The following CACNA2D3 variants were observed in gnomAD, a reference collection of about 807,000 sequenced individuals.
CACNA2D3 encodes calcium voltage-gated channel auxiliary subunit alpha2delta 3.
In CACNA2D3, 60 loss-of-function variants were observed where a neutral mutation model predicts 160.6. The observed-to-expected ratio is 0.37, with a 90% CI of 0.30 to 0.46. The LOEUF (loss-of-function observed/expected upper bound fraction) is 0.46, where lower values mean the gene tolerates loss of function less well. Ranked by LOEUF, CACNA2D3 falls within the 20% of genes least tolerant of loss-of-function variation. The pLI is 1.00. For missense variants in CACNA2D3, 1,205 were observed against 1,365.0 expected, an observed-to-expected ratio of 0.88 and a Z score of 1.85; for synonymous variants, 558 against 492.9, an observed-to-expected ratio of 1.13 and a Z score of -1.75.
At chr3:54,122,919 C>G in intron 1 of CACNA2D3, 84 bp downstream of exon 1, 2 of 1,145,958 alleles carry the variant, frequency 1.7e-6, no homozygotes, top group Non-Finnish European at 2.2e-6. Flanking sequence ...CCTGCAGGTG[C>G]GGCTGGGCAG....
At chr3:54,890,265 G>C (rs1463973723) in intron 24 of CACNA2D3, among the ~76,000 whole-genome samples, 13 of 152,108 alleles carry the variant, frequency 8.5e-5, no homozygotes, top group Non-Finnish European at 1.3e-4. Flanking sequence ...GGGAGGCCGA[G>C]GTGGGCAGAT....
intron 27 of CACNA2D3, among the ~76,000 whole-genome samples, chr3:54,933,654 A>T (rs1701261079): frequency 6.6e-6 from 1 of 152,130 alleles, no homozygotes; most frequent in African/African-American, 2.4e-5. Flanking sequence ...ACAACAACTC[A>T]CTAGACATTA....
intron 34 of CACNA2D3, among the ~76,000 whole-genome samples, chr3:55,014,763 C>T (rs1007487062): frequency 3.9e-5 from 6 of 151,990 alleles, no homozygotes; most frequent in Non-Finnish European, 5.9e-5. Flanking sequence ...AAACAGTATC[C>T]GGTAGATTGC....
At chr3:54,129,209 T>G (rs982127397) in intron 2 of CACNA2D3, among the ~76,000 whole-genome samples, 3 of 152,244 alleles carry the variant, frequency 2.0e-5, no homozygotes, top group African/African-American at 7.2e-5. Context: ...TGGCCTGTAC[T>G]TACAGCTCAC....
intron 11 of CACNA2D3, among the ~76,000 whole-genome samples, chr3:54,714,046 C>G (rs1056181449): frequency 2.6e-5 from 4 of 151,990 alleles, no homozygotes; most frequent in African/African-American, 9.7e-5. Context: ...GGACAGACAG[C>G]AGAAAGCTGG....
intron 11 of CACNA2D3, among the ~76,000 whole-genome samples, chr3:54,688,115 T>G (rs1170723989): frequency 6.6e-6 from 1 of 152,216 alleles, no homozygotes; most frequent in African/African-American, 2.4e-5. Context: ...TTTAAAAGAA[T>G]CACACTGGCC....
intron 14 of CACNA2D3, among the ~76,000 whole-genome samples, chr3:54,824,969 T>A (rs928960731): frequency 6.6e-6 from 1 of 152,244 alleles, no homozygotes; most frequent in Non-Finnish European, 1.5e-5. Context: ...ATCTCAGTGC[T>A]TTCTAGTTTC....
chr3:54,187,249 G>A (rs1700894209), intron 2 of CACNA2D3, among the ~76,000 whole-genome samples: 1 of 152,142 alleles, frequency 6.6e-6, no homozygotes. Flanking sequence ...TAGGCCTCCT[G>A]GGCTGTCTTA....
chr3:54,832,900 T>C (rs1171292808), intron 14 of CACNA2D3, among the ~76,000 whole-genome samples: 1 of 152,108 alleles, frequency 6.6e-6, no homozygotes, highest in East Asian at 1.9e-4. Flanking sequence ...AGCAGCAAAA[T>C]GGATGGGTCA....
intron 4 of CACNA2D3, among the ~76,000 whole-genome samples, chr3:54,438,085 A>G (rs1700086942): frequency 6.6e-6 from 1 of 152,202 alleles, no homozygotes; most frequent in Non-Finnish European, 1.5e-5. Context: ...CTGAAGATGA[A>G]GGCTTGTTAA....
At chr3:54,908,191 A>G (rs1040270503) in intron 27 of CACNA2D3, among the ~76,000 whole-genome samples, 1 of 152,202 alleles carries the variant, frequency 6.6e-6, no homozygotes, top group African/African-American at 2.4e-5. Context: ...TGAACATTCC[A>G]ATTTTTCTAC....
At chr3:55,060,900 A>T (rs1199697616) in intron 35 of CACNA2D3, among the ~76,000 whole-genome samples, 1 of 152,194 alleles carries the variant, frequency 6.6e-6, no homozygotes, top group Non-Finnish European at 1.5e-5. Context: ...TTTTCATTCC[A>T]TGGGGGTTTC....
At chr3:54,919,151 C>G (rs1323607740) in intron 27 of CACNA2D3, among the ~76,000 whole-genome samples, 1 of 152,184 alleles carries the variant, frequency 6.6e-6, no homozygotes, top group Non-Finnish European at 1.5e-5. Context: ...TTCATGTTCT[C>G]TAAATGCTCA....
intron 14 of CACNA2D3, among the ~76,000 whole-genome samples, chr3:54,831,189 C>T (rs1217854868): frequency 6.6e-6 from 1 of 152,198 alleles, no homozygotes; most frequent in East Asian, 1.9e-4. Flanking sequence ...GCACAACCTT[C>T]CCTTTAAGCC....
intron 5 of CACNA2D3, 143 bp downstream of exon 5, chr3:54,503,797 A>C: frequency 1.5e-6 from 1 of 687,566 alleles, no homozygotes; most frequent in Non-Finnish European, 2.5e-6. Context: ...TCAGGTATCA[A>C]CTGGATAGGT....
At chr3:54,364,071 A>C (rs1045697498) in intron 3 of CACNA2D3, among the ~76,000 whole-genome samples, 1 of 152,216 alleles carries the variant, frequency 6.6e-6, no homozygotes, top group Non-Finnish European at 1.5e-5. Flanking sequence ...GAGCCCCTGC[A>C]GGTGGGTTTT....
chr3:54,671,584 C>A (rs1477062177), intron 11 of CACNA2D3, among the ~76,000 whole-genome samples: 1 of 152,130 alleles, frequency 6.6e-6, no homozygotes, highest in Admixed American at 6.5e-5. Context: ...TAACACCTTT[C>A]CTTCCAGTGT....
chr3:54,636,478 A>C (rs903030539), intron 10 of CACNA2D3, among the ~76,000 whole-genome samples: 4 of 151,980 alleles, frequency 2.6e-5, no homozygotes, highest in Admixed American at 1.3e-4. Context: ...GAGGAAGAAA[A>C]TAGATTTTGG....
intron 13 of CACNA2D3, among the ~76,000 whole-genome samples, chr3:54,780,518 A>G (rs1483835420): frequency 6.6e-6 from 1 of 152,212 alleles, no homozygotes; most frequent in African/African-American, 2.4e-5. Flanking sequence ...TTTTGGTGGG[A>G]CATCATCATG....
Sources: gnomAD v4.1 joint callset for allele counts (sites outside exome capture counted in the v4.1 genomes callset) on GRCh38, gnomAD v4.1.1 for gene constraint, MANE v1.5 for transcripts, NCBI Gene and HGNC (gene_info 2026-07-23, HGNC 2026-07-21) for gene names.